HNF4A: variants seen among roughly 807,000 people sequenced by gnomAD.
HNF4A encodes hepatocyte nuclear factor 4 alpha, also known as hepatocyte nuclear factor 4-alpha.
Under a neutral mutation model 52.4 loss-of-function variants are expected in HNF4A, and 15 were observed. The observed-to-expected ratio is 0.29, with a 90% CI of 0.19 to 0.44. HNF4A has a LOEUF of 0.44. HNF4A is among the 20% of genes least tolerant of loss of function. The pLI is 1.00. For missense variants in HNF4A, 479 were observed against 647.2 expected, an observed-to-expected ratio of 0.74 and a Z score of 2.82; for synonymous variants, 280 against 264.4, an observed-to-expected ratio of 1.06 and a Z score of -0.57.
At chr20:44,359,905 C>T (rs1202363953) in intron 1 of HNF4A, among the ~76,000 whole-genome samples, 1 of 152,148 alleles carries the variant, frequency 6.6e-6, no homozygotes, top group Non-Finnish European at 1.5e-5. Flanking sequence ...TCTGGTACTA[C>T]CCTGAGTAAC....
chr20:44,406,815 T>C (rs1358810119), intron 2 of HNF4A, among the ~76,000 whole-genome samples: 1 of 152,152 alleles, frequency 6.6e-6, no homozygotes, highest in Non-Finnish European at 1.5e-5. Context: ...AACACCCCTG[T>C]GAGATGGTTA....
chr20:44,364,642 G>A (rs2062952879), intron 1 of HNF4A, among the ~76,000 whole-genome samples: 1 of 151,970 alleles, frequency 6.6e-6, no homozygotes, highest in Admixed American at 6.6e-5. Context: ...GCTACTTTTT[G>A]TATTTTTACT....
intron 1 of HNF4A, among the ~76,000 whole-genome samples, chr20:44,359,194 G>T (rs928619396): frequency 2.0e-5 from 3 of 152,124 alleles, no homozygotes; most frequent in Non-Finnish European, 4.4e-5. Flanking sequence ...TTAAAACAGC[G>T]CTACAATGAT....
In HNF4A at chr20:44,418,429, C is replaced by A. The variant is rs1032164393; in HGVS notation, c.653C>A (p.Ala218Asp). 1.9e-6 allele frequency: 3 copies of A among 1,613,550 alleles called. No individual in the cohort carries two copies. Among genetic ancestry groups the A allele is most frequent in the Admixed American group, 3.3e-5 (2 of 60,006 alleles). Reference sequence around the variant, plus strand: ...ACTGTTCCTTCTCTCTTTCAGGTGGCCCTGCTCAGAGCCCATGCTGGCGAG... The same window carrying A: ...ACTGTTCCTTCTCTCTTTCAGGTGGACCTGCTCAGAGCCCATGCTGGCGAG... The change falls in exon 6 of 10, where the codon GCC becomes GAC. Residue 218 changes from alanine to aspartate, a missense_variant. By Grantham distance (126) the Ala-to-Asp change is moderately radical. This residue lies in a region of HNF4A where 389 missense variants were observed against 525.1 expected (regional missense o/e 0.74). Transcript: ENST00000316099.
At chr20:44,358,613 A>C (rs2062884420) in intron 1 of HNF4A, among the ~76,000 whole-genome samples, 1 of 146,466 alleles carries the variant, frequency 6.8e-6, no homozygotes, top group Non-Finnish European at 1.5e-5. Context: ...TCTATCTCAA[A>C]AAAAACAAAA....
At chr20:44,421,571 T>C (rs2063744397) in intron 7 of HNF4A, among the ~76,000 whole-genome samples, 2 of 151,764 alleles carry the variant, frequency 1.3e-5, no homozygotes, top group South Asian at 4.1e-4. Context: ...CTGGCCAACA[T>C]GGTGAAACCC....
At chr20:44,418,064 T>C (rs1054708162) in intron 5 of HNF4A, among the ~76,000 whole-genome samples, 8 of 152,088 alleles carry the variant, frequency 5.3e-5, no homozygotes, top group African/African-American at 1.9e-4. Context: ...ACCCACAGTT[T>C]TGGAACTTTT....
chr20:44,416,900 TC>T (rs2063673152), intron 5 of HNF4A, among the ~76,000 whole-genome samples: 1 of 151,636 alleles, frequency 6.6e-6, no homozygotes, highest in Non-Finnish European at 1.5e-5. Flanking sequence ...CTCCCCTCCC[TC>T]CCTCCTTCCC....
rs752973948 is a variant in HNF4A at position 44,401,464 on chromosome 20, T to C, written c.92T>C (p.Val31Ala). 4 of 1,614,204 alleles carry C rather than the reference T, an allele frequency of 2.5e-6. No individual in the cohort carries two copies. The highest frequency in any genetic ancestry group is 3.4e-6 in the Non-Finnish European group (4 of 1,180,036). ...TACACCACCCTGGAATTTGAGAATG[T>C]GCAGGTGTTGACGATGGGCAATGGT... Residue 31 changes from valine to alanine, a missense_variant, in exon 1 of 10, where the codon GTG becomes GCG. Around this residue, in one of 3 missense-constraint regions of HNF4A, gnomAD observed 90 missense variants for 105.5 expected, o/e 0.85. Coordinates refer to ENST00000316099, the MANE Select transcript of HNF4A (RefSeq NM_000457.6).
intron 1 of HNF4A, among the ~76,000 whole-genome samples, chr20:44,387,343 T>C (rs2063238465): frequency 1.5e-5 from 2 of 133,944 alleles, no homozygotes; most frequent in Admixed American, 7.5e-5. Flanking sequence ...GGAAAGTATA[T>C]GCAAAGGCCC....
rs1825191389 is a variant in HNF4A, at chr20:44,406,235, G to A, written c.290+3G>A. On this transcript the variant is annotated splice_donor_region_variant and intron_variant, in intron 2 of 9. Transcript: ENST00000316099. ...AAGAACCACATGTACTCCTGCAGGT[G>A]AGGAGCCTCAATTTCTTCAGCTGGG... The A allele has an allele frequency of 1.9e-6, 3 of 1,612,870 alleles. No individual in the cohort carries two copies. The highest frequency in any genetic ancestry group is 2.5e-6 in the Non-Finnish European group (3 of 1,179,820).
chr20:44,412,774 A>G (rs1252442060), intron 3 of HNF4A, among the ~76,000 whole-genome samples: 1 of 152,124 alleles, frequency 6.6e-6, no homozygotes, highest in Non-Finnish European at 1.5e-5. Context: ...AGGGGAAGCC[A>G]AGGAAGGTGG....
intron 1 of HNF4A, chr20:44,390,539 C>T (rs1451985020): frequency 4.2e-5 from 29 of 688,146 alleles, no homozygotes; most frequent in Middle Eastern, 2.5e-4. Context: ...CTCTGCCCAG[C>T]GGCCCTCGCA....
intron 1 of HNF4A, among the ~76,000 whole-genome samples, chr20:44,383,831 G>A (rs1217355987): frequency 6.6e-6 from 1 of 150,678 alleles, no homozygotes; most frequent in African/African-American, 2.4e-5. Context: ...TGGGATTACA[G>A]GCATGAGCCA....
intron 1 of HNF4A, among the ~76,000 whole-genome samples, chr20:44,378,848 A>G (rs112938813): frequency 0.012 from 1,806 of 150,748 alleles, 37 homozygotes; most frequent in African/African-American, 0.041. Context: ...GAACCCGGGA[A>G]GTGGAGGTTG....
At chr20:44,367,813 C>T (rs766797897) in intron 1 of HNF4A, among the ~76,000 whole-genome samples, 2 of 151,764 alleles carry the variant, frequency 1.3e-5, no homozygotes, top group Admixed American at 6.6e-5. Context: ...TCCTCACAAC[C>T]GTCTATTGAG....
chr20:44,429,459 C>G (rs1280407079), intron 9 of HNF4A, 64 bp from the exon 10 acceptor site: 13 of 1,608,100 alleles, frequency 8.1e-6, no homozygotes, highest in Non-Finnish European at 1.0e-5. Context: ...TCCCGGGCCT[C>G]TTCATTTACT....
intron 3 of HNF4A, among the ~76,000 whole-genome samples, chr20:44,413,207 A>G (rs1471163435): frequency 6.6e-6 from 1 of 152,188 alleles, no homozygotes; most frequent in Non-Finnish European, 1.5e-5. Flanking sequence ...TCTGGAGTAC[A>G]TGCAGCTCCT....
At chr20:44,367,335 CAAAA>C (rs1211796695) in intron 1 of HNF4A, among the ~76,000 whole-genome samples, 5 of 80,450 alleles carry the variant, frequency 6.2e-5, no homozygotes, top group Admixed American at 1.4e-4. Flanking sequence ...AACTCTGTCT[CAAAA>C]AAAAAAAAAA....
Sources: gnomAD v4.1 joint callset for allele counts (sites outside exome capture counted in the v4.1 genomes callset) on GRCh38, gnomAD v4.1.1 for gene constraint, gnomAD v4.1.1 regional missense constraint, MANE v1.5 for transcripts, NCBI Gene and HGNC (gene_info 2026-07-23, HGNC 2026-07-21) for gene names.